OR6B3: variants seen among roughly 807,000 people sequenced by gnomAD.
OR6B3 encodes olfactory receptor family 6 subfamily B member 3.
For synonymous variants in OR6B3, 148 were observed against 187.8 expected (o/e 0.79, Z 1.73); for missense variants, 315 against 427.4 (o/e 0.74, Z 2.32).
At chr2:240,046,185 G>T in intron 1 of OR6B3, 88 bp from the exon 3 acceptor site, 1 of 957,690 alleles carries the variant, frequency 1.0e-6, no homozygotes, top group Non-Finnish European at 1.5e-6. Flanking sequence ...GGGAGTTTTG[G>T]TGTAAAGAGA....
In OR6B3 at chr2:240,045,266, G is replaced by A. The variant is rs754388287; in HGVS notation, c.807C>T (p.Ser269=). 2.4e-5 allele frequency: 38 copies of A among 1,614,094 alleles called. 1 individual carries two copies. In the South Asian group the frequency reaches 3.7e-4, roughly 16 times the overall value. ...ACAAAACAGAGATGAGCTTGTTGGA[G>A]CTCCGGGAATCAATGGCCTGGGGCC... Residue 269 remains serine (S), a synonymous_variant, in exon 2 of 2, where the codon AGC becomes AGT. Coordinates refer to ENST00000641019, the Ensembl canonical transcript of OR6B3.
At chr2:240,051,870 T>C (rs1698259143), upstream of OR6B3, among the ~76,000 whole-genome samples, 1 of 152,198 alleles carries the variant, frequency 6.6e-6, no homozygotes, top group Non-Finnish European at 1.5e-5. Flanking sequence ...TGATAAATAA[T>C]ACCAGCCTCA....
chr2:240,053,505 C>T, the OR6B3 span, among the ~76,000 whole-genome samples: 3 of 152,190 alleles, frequency 2.0e-5, no homozygotes, highest in African/African-American at 7.2e-5. This position sits in a 1 kb window ranked among gnomAD's most constrained non-coding sequence, Gnocchi z 4.1. Flanking sequence ...AATGATGTGT[C>T]TCTGCTCCTA....
At chr2:240,053,439 C>T in the OR6B3 span, among the ~76,000 whole-genome samples, 7 of 152,200 alleles carry the variant, frequency 4.6e-5, no homozygotes, top group Admixed American at 1.3e-4. This position sits in a 1 kb window ranked among gnomAD's most constrained non-coding sequence, Gnocchi z 4.1. Flanking sequence ...GGAGCACCTG[C>T]CCCGTCTGCC....
upstream of OR6B3, among the ~76,000 whole-genome samples, chr2:240,051,437 G>A (rs182817960): frequency 1.3e-4 from 20 of 152,296 alleles, no homozygotes; most frequent in Admixed American, 1.1e-3. Context: ...AGAGAAAACC[G>A]ACAGGCCCAG....
At chr2:240,050,377 A>G (rs1490491142), upstream of OR6B3, among the ~76,000 whole-genome samples, 1 of 152,210 alleles carries the variant, frequency 6.6e-6, no homozygotes, top group Non-Finnish European at 1.5e-5. Context: ...TGAATAATAT[A>G]TCCTCAACAC....
At chr2:240,047,185 A>C (rs185893438), upstream of OR6B3, among the ~76,000 whole-genome samples, 48 of 152,360 alleles carry the variant, frequency 3.2e-4, no homozygotes, top group African/African-American at 1.1e-3. Flanking sequence ...AAGGCAGAGA[A>C]GACCCCTTCA....
chr2:240,045,256 G>A, exon 2 of OR6B3: 1 of 1,614,196 alleles, frequency 6.2e-7, no homozygotes, highest in Non-Finnish European at 8.5e-7. Context: ...ACAGAGATGA[G>A]CTTGTTGGAG....
At chr2:240,045,068 A>G, downstream of OR6B3, 1 of 1,555,798 alleles carries the variant, frequency 6.4e-7, no homozygotes, top group Non-Finnish European at 8.6e-7. Flanking sequence ...AAACAGTCAA[A>G]TGGCCTCCTC....
chr2:240,044,970 G>A (rs1039291087), downstream of OR6B3: 1 of 965,632 alleles, frequency 1.0e-6, no homozygotes. Flanking sequence ...CAATACCTAT[G>A]CTATTAACCT....
chr2:240,050,721 CAAAAA>C (rs61309204), upstream of OR6B3, among the ~76,000 whole-genome samples: 7,323 of 57,368 alleles, frequency 0.13, 482 homozygotes, highest in African/African-American at 0.28. Context: ...CTCAAAGAGA[CAAAAA>C]AAAAAAAAAA....
At chr2:240,051,016 A>C (rs1040488768), upstream of OR6B3, among the ~76,000 whole-genome samples, 2 of 152,202 alleles carry the variant, frequency 1.3e-5, no homozygotes, top group Admixed American at 1.3e-4. Flanking sequence ...TTCCCTAAAA[A>C]CAATGGCATA....
chr2:240,052,040 CATT>C, the OR6B3 span, among the ~76,000 whole-genome samples: 3 of 152,286 alleles, frequency 2.0e-5, no homozygotes, highest in Admixed American at 6.5e-5. This position sits in a 1 kb window ranked among gnomAD's most constrained non-coding sequence, Gnocchi z 4.5. Flanking sequence ...ACAAAATTAT[CATT>C]ATTTCCAGAT....
upstream of OR6B3, among the ~76,000 whole-genome samples, chr2:240,051,069 G>A (rs1001232169): frequency 1.3e-5 from 2 of 152,080 alleles, no homozygotes; most frequent in Admixed American, 6.6e-5. Context: ...AGAATTGATC[G>A]ATAGCAGCAA....
chr2:240,045,975 A>G (rs1698182588), exon 2 of OR6B3: 1 of 1,601,282 alleles, frequency 6.2e-7, no homozygotes, highest in African/African-American at 1.3e-5. Flanking sequence ...GAGGTAGGTG[A>G]GCAGGAAGAG....
chr2:240,046,186 T>A, intron 1 of OR6B3, 89 bp from the exon 3 acceptor site: 1 of 943,318 alleles, frequency 1.1e-6, no homozygotes, highest in Non-Finnish European at 1.6e-6. Context: ...GGAGTTTTGG[T>A]GTAAAGAGAG....
rs1202306055 is a variant in OR6B3 at position 240,045,931 on chromosome 2, T to C, written c.142A>G (p.Thr48Ala). 2 of 1,512,884 alleles carry C rather than the reference T, an allele frequency of 1.3e-6. No individual in the cohort carries two copies. Among genetic ancestry groups the C allele is most frequent in the Admixed American group, 1.7e-5 (1 of 59,620 alleles). The allele number at this position is 1,512,884 out of a possible 1,614,324, so 93.7% of individuals were successfully genotyped here. A position where few individuals can be genotyped will look rare whatever the true frequency, so the allele number is the denominator to read the frequency against. ...TGGAGGGAGGTGCTGCTCCAGACGG[T>C]GAGGATGATGGCCAGGTTCTCCACC... Residue 48 changes from threonine to alanine, a missense_variant, in exon 2 of 2, where the codon ACC becomes GCC. Thr to Ala is a moderately conservative substitution (Grantham distance 58). Transcript: ENST00000641019.
At chr2:240,051,980 G>A (rs529065315), upstream of OR6B3, among the ~76,000 whole-genome samples, 11 of 152,294 alleles carry the variant, frequency 7.2e-5, no homozygotes, top group East Asian at 1.9e-4. Flanking sequence ...CTACTGCTAC[G>A]TAACAATGTG....
rs755301552 is a variant in OR6B3 at position 240,045,269 on chromosome 2, C to T, written c.804G>A (p.Arg268=). 3 of 1,614,190 alleles carry T rather than the reference C, an allele frequency of 1.9e-6. No homozygotes were observed. In the South Asian group the frequency reaches 3.3e-5, roughly 18 times the overall value. Residue 268 remains arginine (R), a synonymous_variant, in exon 2 of 2, where the codon CGG becomes CGA. Coordinates refer to ENST00000641019, the Ensembl canonical transcript of OR6B3. Reference sequence around the variant, plus strand: ...AAACAGAGATGAGCTTGTTGGAGCTCCGGGAATCAATGGCCTGGGGCCGGA... The same window carrying T: ...AAACAGAGATGAGCTTGTTGGAGCTTCGGGAATCAATGGCCTGGGGCCGGA...
Sources: gnomAD v4.1 joint callset for allele counts (sites outside exome capture counted in the v4.1 genomes callset) on GRCh38, gnomAD v4.1.1 for gene constraint, Gnocchi (gnomAD v3.1) non-coding constraint, MANE v1.5 for transcripts, NCBI Gene and HGNC (gene_info 2026-07-23, HGNC 2026-07-21) for gene names.